The following KCMF1 variants were observed in gnomAD, a reference collection of about 807,000 sequenced individuals.
KCMF1 encodes potassium channel modulatory factor 1.
A neutral mutation model predicts 41.1 loss-of-function variants in KCMF1; 3 were observed. The ratio of observed to expected loss-of-function variants is 0.07; its 90% CI spans 0.03 to 0.19. The LOEUF (loss-of-function observed/expected upper bound fraction) is 0.19, where lower values mean the gene tolerates loss of function less well. Among genes scored for constraint, KCMF1 ranks in the 10% least tolerant of loss-of-function variants. The pLI, the probability that KCMF1 is intolerant of heterozygous loss-of-function variation, is 1.00. For missense variants in KCMF1, 286 were observed against 488.9 expected (o/e 0.58, Z 3.91); for synonymous variants, 142 against 164.5 (o/e 0.86, Z 1.04).
intron 1 of KCMF1, among the ~76,000 whole-genome samples, chr2:85,010,928 C>T (rs1443053481): frequency 6.6e-6 from 1 of 151,780 alleles, no homozygotes; most frequent in African/African-American, 2.4e-5. Context: ...ACTGCAACCT[C>T]CACCTCCCGG....
At chr2:85,022,453 G>A (rs903561623) in intron 1 of KCMF1, among the ~76,000 whole-genome samples, 1 of 152,178 alleles carries the variant, frequency 6.6e-6, no homozygotes, top group Non-Finnish European at 1.5e-5. Flanking sequence ...CAGCCAGGGT[G>A]ACAGTGAGAC....
chr2:85,053,054 G>A (rs1351056150), intron 6 of KCMF1, 94 bp from the exon 7 acceptor site: 4 of 1,201,628 alleles, frequency 3.3e-6, no homozygotes, highest in Non-Finnish European at 4.6e-6. Flanking sequence ...TTTGCCACCT[G>A]TAAAACTTCA....
chr2:84,989,577 A>G (rs1014514333), intron 1 of KCMF1, among the ~76,000 whole-genome samples: 2 of 152,204 alleles, frequency 1.3e-5, no homozygotes, highest in Non-Finnish European at 2.9e-5. Context: ...CATTACCACA[A>G]GAAAAGATAA....
intron 3 of KCMF1, among the ~76,000 whole-genome samples, chr2:85,039,364 A>G (rs1574039284): frequency 6.6e-6 from 1 of 152,296 alleles, no homozygotes; most frequent in East Asian, 1.9e-4. Context: ...GAGAGAGGCC[A>G]GAGGAAATCC....
chr2:84,975,330 A>G (rs997041425), intron 1 of KCMF1, among the ~76,000 whole-genome samples: 2 of 152,102 alleles, frequency 1.3e-5, no homozygotes, highest in African/African-American at 4.8e-5. Context: ...TAGAGAGTTG[A>G]TAGAGCTTGA....
intron 1 of KCMF1, among the ~76,000 whole-genome samples, chr2:85,015,047 C>G (rs1674737674): frequency 6.7e-6 from 1 of 149,294 alleles, no homozygotes; most frequent in Admixed American, 6.8e-5. Flanking sequence ...TTTCATTATT[C>G]AGTAATTCTT....
At chr2:85,004,506 C>T (rs1203853438) in intron 1 of KCMF1, among the ~76,000 whole-genome samples, 1 of 150,812 alleles carries the variant, frequency 6.6e-6, no homozygotes, top group African/African-American at 2.4e-5. Context: ...AGCAAGACTC[C>T]ATCTCAAAAA....
At chr2:84,988,785 T>A (rs1044868902) in intron 1 of KCMF1, among the ~76,000 whole-genome samples, 1 of 152,206 alleles carries the variant, frequency 6.6e-6, no homozygotes, top group Admixed American at 6.5e-5. Flanking sequence ...CATGTTTAGT[T>A]GAGAAGCCAT....
chr2:84,997,459 G>A (rs1485992657), intron 1 of KCMF1, among the ~76,000 whole-genome samples: 1 of 152,046 alleles, frequency 6.6e-6, no homozygotes, highest in African/African-American at 2.4e-5. Context: ...AGACCGAAAA[G>A]GTGAAAAAGC....
At chr2:84,971,693 C>G (rs1204212140) in intron 1 of KCMF1, among the ~76,000 whole-genome samples, 1 of 146,432 alleles carries the variant, frequency 6.8e-6, no homozygotes, top group Non-Finnish European at 1.5e-5. Context: ...CGGGGCGGCC[C>G]GGGCGGCCGG....
intron 1 of KCMF1, among the ~76,000 whole-genome samples, chr2:85,015,341 T>G (rs946881218): frequency 1.3e-5 from 2 of 152,126 alleles, no homozygotes; most frequent in African/African-American, 4.8e-5. Flanking sequence ...CCACCTCCTC[T>G]TCCTTCATTT....
intron 1 of KCMF1, among the ~76,000 whole-genome samples, chr2:84,993,304 A>G (rs1186194783): frequency 6.6e-6 from 1 of 152,172 alleles, no homozygotes; most frequent in African/African-American, 2.4e-5. Context: ...TCATGACATA[A>G]TAGATGTGTT....
intron 1 of KCMF1, among the ~76,000 whole-genome samples, chr2:84,973,767 C>T (rs1295996675): frequency 1.3e-5 from 2 of 151,574 alleles, no homozygotes; most frequent in Non-Finnish European, 2.9e-5. Flanking sequence ...CTTTTTTGGG[C>T]CAAAGAATCC....
At chr2:85,023,223 A>G (rs1674992923) in intron 1 of KCMF1, among the ~76,000 whole-genome samples, 1 of 150,388 alleles carries the variant, frequency 6.6e-6, no homozygotes, top group South Asian at 2.1e-4. Context: ...CCTTTCACTC[A>G]TCTGAGGCAG....
At chr2:85,052,091 T>G (rs1267997365) in intron 6 of KCMF1, among the ~76,000 whole-genome samples, 1 of 152,176 alleles carries the variant, frequency 6.6e-6, no homozygotes. Flanking sequence ...TTTTTTGAGA[T>G]AGAATTTCGC....
At chr2:85,035,229 T>G in intron 3 of KCMF1, 74 bp downstream of exon 3, 1 of 1,247,406 alleles carries the variant, frequency 8.0e-7, no homozygotes, top group South Asian at 1.4e-5. Flanking sequence ...TAAAGCTAGG[T>G]CACTGTCATC....
chr2:85,032,994 C>G (rs1206554601), intron 2 of KCMF1, among the ~76,000 whole-genome samples: 1 of 152,160 alleles, frequency 6.6e-6, no homozygotes, highest in East Asian at 1.9e-4. Context: ...TTGTTCTGAT[C>G]TTAGGGGAAA....
At chr2:84,998,036 G>A (rs1674218972) in intron 1 of KCMF1, among the ~76,000 whole-genome samples, 1 of 151,188 alleles carries the variant, frequency 6.6e-6, no homozygotes, top group Non-Finnish European at 1.5e-5. Context: ...GACTCCCATA[G>A]TGCTGGGATT....
At chr2:84,983,942 C>T (rs1379315444) in intron 1 of KCMF1, among the ~76,000 whole-genome samples, 3 of 152,198 alleles carry the variant, frequency 2.0e-5, no homozygotes, top group Admixed American at 2.0e-4. Context: ...TATTCCCAGC[C>T]AAAGTCTTAA....
Sources: allele counts gnomAD v4.1 joint callset (sites outside exome capture counted in the v4.1 genomes callset), GRCh38; gene constraint gnomAD v4.1.1; transcripts MANE v1.5; gene names NCBI Gene and HGNC (gene_info 2026-07-23, HGNC 2026-07-21).